The following NSMCE2 variants were observed in gnomAD, a reference collection of about 807,000 sequenced individuals.
The protein encoded by NSMCE2 is E3 SUMO-protein ligase NSE2.
NSMCE2 carries 24 observed loss-of-function variants against 23.8 expected under a neutral mutation model. The ratio of observed to expected loss-of-function variants is 1.01; its 90% CI spans 0.73 to 1.42. NSMCE2 has a LOEUF of 1.42. Among genes scored for constraint, NSMCE2 ranks in the 40% most tolerant of loss-of-function variants. The pLI, the probability that NSMCE2 is intolerant of heterozygous loss-of-function variation, is 0.00. For missense variants in NSMCE2, 284 were observed against 296.5 expected (o/e 0.96, Z 0.31); for synonymous variants, 92 against 94.1 (o/e 0.98, Z 0.13).
At chr8:125,105,059 A>C (rs1035860168) in intron 3 of NSMCE2, among the ~76,000 whole-genome samples, 5 of 152,160 alleles carry the variant, frequency 3.3e-5, no homozygotes, top group African/African-American at 1.2e-4. Context: ...TTGCGCAGGG[A>C]GGAGGCCATT....
At chr8:125,100,824 G>T in intron 1 of NSMCE2, among the ~76,000 whole-genome samples, 1 of 152,300 alleles carries the variant, frequency 6.6e-6, no homozygotes, top group Non-Finnish European at 1.5e-5. Flanking sequence ...GCCTCCCAAA[G>T]TGCTGGGATT....
chr8:125,231,783 G>A (rs992611419), intron 5 of NSMCE2, among the ~76,000 whole-genome samples: 1 of 152,088 alleles, frequency 6.6e-6, no homozygotes, highest in Non-Finnish European at 1.5e-5. Context: ...ACTGTAGCAT[G>A]GATGACATCA....
At chr8:125,258,989 G>A (rs376923303) in intron 5 of NSMCE2, among the ~76,000 whole-genome samples, 42 of 152,230 alleles carry the variant, frequency 2.8e-4, no homozygotes, top group African/African-American at 1.0e-3. Flanking sequence ...TGCAACCTCC[G>A]CCTCTTGGGT....
chr8:125,262,235 C>G (rs946964876), intron 5 of NSMCE2, among the ~76,000 whole-genome samples: 1 of 152,032 alleles, frequency 6.6e-6, no homozygotes, highest in African/African-American at 2.4e-5. Flanking sequence ...ACCATCCTGG[C>G]TAACATGGTG....
In NSMCE2 at chr8:125,202,698, A is replaced by T. The variant is rs188454305; in HGVS notation, c.418+20442A>T. Among the ~76,000 whole-genome samples the T allele has an allele frequency of 8.2e-4, 125 of 152,352 alleles. 1 individual carries two copies. The highest frequency in any genetic ancestry group is 6.0e-3 in the Admixed American group (92 of 15,308). The stretch of plus-strand genomic sequence containing the variant: ...ATTTTTGAACTTATTAGAGGCATTT[A>T]CTTTAATAATTTTCATTTATACATA... On this transcript the variant is annotated intron_variant, in intron 5 of 7. Transcript: ENST00000287437.
intron 4 of NSMCE2, among the ~76,000 whole-genome samples, chr8:125,173,765 A>G (rs1822339249): frequency 6.6e-6 from 1 of 152,194 alleles, no homozygotes; most frequent in Admixed American, 6.5e-5. Flanking sequence ...TTTTCATAAA[A>G]TTAAATCTAT....
At chr8:125,285,295 A>C (rs1377090667) in intron 5 of NSMCE2, among the ~76,000 whole-genome samples, 1 of 152,206 alleles carries the variant, frequency 6.6e-6, no homozygotes, top group African/African-American at 2.4e-5. Context: ...CGACACAAGA[A>C]AGTGACTTTT....
intron 5 of NSMCE2, among the ~76,000 whole-genome samples, chr8:125,345,017 A>G (rs1369664900): frequency 1.3e-5 from 2 of 151,722 alleles, no homozygotes; most frequent in East Asian, 3.9e-4. Context: ...ACCTTGGTAA[A>G]GTCAACAAAC....
intron 3 of NSMCE2, among the ~76,000 whole-genome samples, chr8:125,132,715 G>A (rs1819836324): frequency 6.6e-6 from 1 of 152,010 alleles, no homozygotes; most frequent in Non-Finnish European, 1.5e-5. Flanking sequence ...GGCTAGTCTT[G>A]AACTGCTGAC....
intron 5 of NSMCE2, among the ~76,000 whole-genome samples, chr8:125,204,876 G>A (rs772950501): frequency 3.9e-5 from 6 of 151,916 alleles, no homozygotes; most frequent in African/African-American, 1.5e-4. Context: ...AACTAGATCC[G>A]GCCAGTTTCT....
At chr8:125,150,505 C>T (rs1820949506) in intron 3 of NSMCE2, among the ~76,000 whole-genome samples, 1 of 129,810 alleles carries the variant, frequency 7.7e-6, no homozygotes, top group Non-Finnish European at 1.5e-5. Flanking sequence ...ATGATCTCAG[C>T]TCACTGCAAC....
intron 5 of NSMCE2, among the ~76,000 whole-genome samples, chr8:125,231,787 G>A (rs1825333300): frequency 6.6e-6 from 1 of 152,098 alleles, no homozygotes; most frequent in Non-Finnish European, 1.5e-5. Context: ...TAGCATGGAT[G>A]ACATCATCAG....
intron 5 of NSMCE2, among the ~76,000 whole-genome samples, chr8:125,249,207 T>C (rs1244314660): frequency 6.6e-6 from 1 of 151,830 alleles, no homozygotes; most frequent in Non-Finnish European, 1.5e-5. Flanking sequence ...ATGAGTGAAA[T>C]TCAATCTTGT....
chr8:125,198,357 G>A (rs951353799), intron 5 of NSMCE2, among the ~76,000 whole-genome samples: 17 of 152,136 alleles, frequency 1.1e-4, no homozygotes, highest in African/African-American at 4.1e-4. Flanking sequence ...TTTGAGATAT[G>A]TTGCATCGAT....
chr8:125,108,280 A>G (rs1425610675), intron 3 of NSMCE2, among the ~76,000 whole-genome samples: 2 of 152,206 alleles, frequency 1.3e-5, no homozygotes, highest in Non-Finnish European at 2.9e-5. Context: ...AGAACTTGTT[A>G]GGGGAGCAGT....
At chr8:125,155,678 TG>T (rs1343120114) in intron 4 of NSMCE2, among the ~76,000 whole-genome samples, 2 of 152,216 alleles carry the variant, frequency 1.3e-5, no homozygotes, top group Non-Finnish European at 2.9e-5. Context: ...TAGTACTGTG[TG>T]TTTCTGATTA....
At chr8:125,236,848 T>C (rs1270267424) in intron 5 of NSMCE2, among the ~76,000 whole-genome samples, 1 of 152,014 alleles carries the variant, frequency 6.6e-6, no homozygotes, top group Non-Finnish European at 1.5e-5. Flanking sequence ...GCTCCTTTGC[T>C]AGACTCTTAA....
chr8:125,317,136 A>G (rs1438663367), intron 5 of NSMCE2, among the ~76,000 whole-genome samples: 1 of 151,882 alleles, frequency 6.6e-6, no homozygotes, highest in Non-Finnish European at 1.5e-5. Context: ...AATACCCTCA[A>G]GATGAGTCCA....
At chr8:125,258,437 AC>A (rs1370454319) in intron 5 of NSMCE2, among the ~76,000 whole-genome samples, 3 of 150,888 alleles carry the variant, frequency 2.0e-5, no homozygotes, top group African/African-American at 7.3e-5. Flanking sequence ...GGAATGCCCC[AC>A]CCCTATCCCA....
Sources: gnomAD v4.1 joint callset for allele counts (sites outside exome capture counted in the v4.1 genomes callset) on GRCh38, gnomAD v4.1.1 for gene constraint, MANE v1.5 for transcripts, NCBI Gene and HGNC (gene_info 2026-07-23, HGNC 2026-07-21) for gene names.